Variants in GAPDH observed in about 807,000 individuals in gnomAD.
GAPDH encodes glyceraldehyde-3-phosphate dehydrogenase.
GAPDH carries 13 observed loss-of-function variants against 31.2 expected under a neutral mutation model. That is an observed-to-expected ratio of 0.42 (90% CI 0.27 to 0.66). GAPDH has a LOEUF of 0.66. GAPDH is among the 30% of genes least tolerant of loss of function. The pLI is 0.26. For missense variants in GAPDH, 300 were observed against 443.7 expected, an observed-to-expected ratio of 0.68 and a Z score of 2.91; for synonymous variants, 211 against 166.9, an observed-to-expected ratio of 1.26 and a Z score of -2.04.
At position 6,537,458 on chromosome 12, in the gene GAPDH, G is replaced by T; in HGVS notation, c.525+68G>T. The stretch of plus-strand genomic sequence containing the variant: ...ATCCAAGACTGGCTCCTCCCTGCCG[G>T]GGCTGCGTGCAACCCTGGGGTTGGG... On this transcript the variant is annotated intron_variant, in intron 7 of 8. Transcript: ENST00000229239. The surrounding 1 kb of genome is among the most constrained non-coding windows in gnomAD (Gnocchi z 4.9). 6.3e-7 allele frequency: 1 copy of T among 1,583,808 alleles called. No homozygotes were observed. The highest frequency in any genetic ancestry group is 1.1e-5 in the South Asian group (1 of 90,050).
rs569679304 is a variant in GAPDH at position 6,537,520 on chromosome 12, A to C, written c.526-64A>C. The stretch of plus-strand genomic sequence containing the variant: ...CTGGCTTTCCCATAATTTCCTTTCA[A>C]GGTGGGGAGGGAGGTAGAGGGGTGA... On this transcript the variant is annotated intron_variant, in intron 7 of 8. Coordinates refer to ENST00000229239, the MANE Select transcript of GAPDH (RefSeq NM_002046.7). The surrounding 1 kb of genome is among the most constrained non-coding windows in gnomAD (Gnocchi z 4.9). The C allele has an allele frequency of 7.6e-6, 12 of 1,586,388 alleles. No individual in the cohort carries two copies. The highest frequency in any genetic ancestry group is 8.6e-6 in the Non-Finnish European group (10 of 1,164,322).
Position 6,537,378 on chromosome 12 carries a change from G to A in GAPDH, c.513G>A (p.Val171=), listed in dbSNP as rs562063348. The A allele has an allele frequency of 5.0e-6, 8 of 1,609,004 alleles. No homozygotes were observed. The highest frequency in any genetic ancestry group is 6.8e-6 in the Non-Finnish European group (8 of 1,179,740). ...AKVIHDNFGI[V]EGLMTTVHAI... ...TCATCCATGACAACTTTGGTATCGT[G>A]GAAGGACTCATGGTATGAGAGCTGG... The change falls in exon 7 of 9, where the codon GTG becomes GTA. Residue 171 remains valine (V), a synonymous_variant. Coordinates refer to ENST00000229239, the MANE Select transcript of GAPDH (RefSeq NM_002046.7). This position sits in a 1 kb window ranked among gnomAD's most constrained non-coding sequence, Gnocchi z 4.9.
rs1217889586 is a variant in GAPDH at position 6,536,937 on chromosome 12, T to C, written c.254T>C (p.Ile85Thr). Residue 85 changes from isoleucine (I) to threonine (T), a missense_variant, in exon 5 of 9, where the codon ATC (isoleucine) becomes ACC (threonine). Transcript: ENST00000229239. ...TIFQERDPSKIKWGDAGAEYV... is the reference protein window; with the variant it reads ...TIFQERDPSKTKWGDAGAEYV... ...CCCCATAGGCGAGATCCCTCCAAAA[T>C]CAAGTGGGGCGATGCTGGCGCTGAG... is the stretch of plus-strand genomic sequence containing the variant. 5.1e-6 allele frequency: 7 copies of C among 1,362,142 alleles called. No individual in the cohort carries two copies. The highest frequency in any genetic ancestry group is 7.1e-6 in the Non-Finnish European group (7 of 988,250). 84.4% of individuals were successfully genotyped at this position (1,362,142 alleles called of 1,614,324 possible). A position where few individuals can be genotyped will look rare whatever the true frequency, so the allele number is the denominator to read the frequency against.
At chr12:6,535,615 T>C (rs1060619) in intron 2 of GAPDH, 67,925 of 246,346 alleles carry the variant, frequency 0.28, 10,945 homozygotes, top group East Asian at 0.49. Flanking sequence ...GCCCCTCTGG[T>C]GGTGGCCCCT....
Position 6,537,858 on chromosome 12 carries a change from A to AG in GAPDH, c.803dup (p.Leu270ProfsTer9). Reference sequence around the variant, plus strand: ...AAGAAGGTGGTGAAGCAGGCGTCGGAGGGCCCCCTCAAGGGCATCCTGGGC... The same window carrying AG: ...AAGAAGGTGGTGAAGCAGGCGTCGGAGGGGCCCCCTCAAGGGCATCCTGGGC... On this transcript the variant is annotated frameshift_variant, in exon 8 of 9. Transcript: ENST00000229239. LOFTEE classifies it high-confidence loss of function. The surrounding 1 kb of genome is among the most constrained non-coding windows in gnomAD (Gnocchi z 4.9). 2 of 1,612,964 alleles carry AG rather than the reference A, an allele frequency of 1.2e-6. No individual in the cohort carries two copies. The highest frequency in any genetic ancestry group is 1.7e-6 in the Non-Finnish European group (2 of 1,180,002).
chr12:6,536,719 A>AT lies in GAPDH; in HGVS notation c.167dup (p.His57ProfsTer7). ...TCCAATATGATTCCACCCATGGCAA[A>AT]TTCCATGGCACCGTCAAGGCTGAGA... On this transcript the variant is annotated frameshift_variant, in exon 4 of 9. Transcript: ENST00000229239. LOFTEE classifies it high-confidence loss of function. 1 of 1,613,860 alleles carries AT rather than the reference A, an allele frequency of 6.2e-7. No individual in the cohort carries two copies. Among genetic ancestry groups the AT allele is most frequent in the South Asian group, 1.1e-5 (1 of 91,066 alleles).
chr12:6,537,158 C>T lies in GAPDH; in HGVS notation c.385C>T (p.Pro129Ser). 6.2e-7 allele frequency: 1 copy of T among 1,613,742 alleles called. No homozygotes were observed. Among genetic ancestry groups the T allele is most frequent in the Non-Finnish European group, 8.5e-7 (1 of 1,180,010 alleles). Residue 129 changes from proline to serine, a missense_variant, in exon 6 of 9, where the codon CCC (proline) becomes TCC (serine). Pro to Ser is a moderately conservative substitution (Grantham distance 74, BLOSUM62 -1). Transcript: ENST00000229239. This position sits in a 1 kb window ranked among gnomAD's most constrained non-coding sequence, Gnocchi z 4.9. ...CATCTCTGCCCCCTCTGCTGATGCC[C>T]CCATGTTCGTCATGGGTGTGAACCA... is the stretch of plus-strand genomic sequence containing the variant. ...VIISAPSADAPMFVMGVNHEK... is the reference protein window; with the variant it reads ...VIISAPSADASMFVMGVNHEK...
Position 6,537,535 on chromosome 12 carries a change from T to TA in GAPDH, c.526-48dup. On this transcript the variant is annotated intron_variant, in intron 7 of 8. Coordinates refer to ENST00000229239, the MANE Select transcript of GAPDH (RefSeq NM_002046.7). The surrounding 1 kb of genome is among the most constrained non-coding windows in gnomAD (Gnocchi z 4.9). ...TTTCCTTTCAAGGTGGGGAGGGAGG[T>TA]AGAGGGGTGATGTGGGGAGTACGCT... 1 of 1,590,334 alleles carries TA rather than the reference T, an allele frequency of 6.3e-7. No homozygotes were observed. The highest frequency in any genetic ancestry group is 8.6e-7 in the Non-Finnish European group (1 of 1,167,352).
chr12:6,538,219 C>A lies in GAPDH; in HGVS notation c.*49C>A, dbSNP rs559712947. Reference sequence around the variant, plus strand: ...CAAGAGCACAAGAGGAAGAGAGAGACCCTCACTGCTGGGGAGTCCCTGCCA... The same window carrying A: ...CAAGAGCACAAGAGGAAGAGAGAGAACCTCACTGCTGGGGAGTCCCTGCCA... On this transcript the variant is annotated 3_prime_UTR_variant, in exon 9 of 9. Transcript: ENST00000229239. The A allele has an allele frequency of 1.0e-5, 15 of 1,470,870 alleles. No homozygotes were observed. The South Asian group carries it at 1.6e-4, about 15-fold the overall frequency. 91.1% of individuals were successfully genotyped at this position (1,470,870 alleles called of 1,614,324 possible).
At chr12:6,538,026 T>C in intron 8 of GAPDH, 30 bp downstream of exon 8, 1 of 1,596,566 alleles carries the variant, frequency 6.3e-7, no homozygotes, top group Non-Finnish European at 8.5e-7. Context: ...GACTGGCTCT[T>C]AAAAAGTGCA....
At chr12:6,534,719 G>C in intron 1 of GAPDH, 91 bp from the exon 2 acceptor site, 1 of 1,130,436 alleles carries the variant, frequency 8.8e-7, no homozygotes, top group Non-Finnish European at 1.3e-6. Context: ...TGCGGCGCGG[G>C]CTGGGCATGG....
At position 6,537,485 on chromosome 12, in the gene GAPDH, G is replaced by T; in HGVS notation, c.525+95G>T. Reference sequence around the variant, plus strand: ...GCTGCGTGCAACCCTGGGGTTGGGGGTTCTGGGGACTGGCTTTCCCATAAT... The same window carrying T: ...GCTGCGTGCAACCCTGGGGTTGGGGTTTCTGGGGACTGGCTTTCCCATAAT... On this transcript the variant is annotated intron_variant, in intron 7 of 8. Transcript: ENST00000229239. The surrounding 1 kb of genome is among the most constrained non-coding windows in gnomAD (Gnocchi z 4.9). 6.3e-7 allele frequency: 1 copy of T among 1,583,620 alleles called. No homozygotes were observed. Among genetic ancestry groups the T allele is most frequent in the Non-Finnish European group, 8.6e-7 (1 of 1,158,384 alleles).
rs776400902 is a variant in GAPDH at position 6,536,747 on chromosome 12, G to A, written c.193G>A (p.Gly65Arg). 14 of 1,613,980 alleles carry A rather than the reference G, an allele frequency of 8.7e-6. No individual in the cohort carries two copies. The highest frequency in any genetic ancestry group is 5.5e-5 in the South Asian group (5 of 91,074). Residue 65 changes from glycine (G) to arginine (R), a missense_variant, in exon 4 of 9, where the codon GGG (glycine) becomes AGG (arginine). Physicochemically the swap from Gly to Arg is moderately radical, Grantham distance 125. Transcript: ENST00000229239. ...CCATGGCACCGTCAAGGCTGAGAACGGGAAGCTTGTCATCAATGGAAATCC... is the reference window on the plus strand; with the variant it reads ...CCATGGCACCGTCAAGGCTGAGAACAGGAAGCTTGTCATCAATGGAAATCC... ...KFHGTVKAENGKLVINGNPIT... is the reference protein window; with the variant it reads ...KFHGTVKAENRKLVINGNPIT...
chr12:6,535,147 G>T, intron 2 of GAPDH: 1 of 1,009,036 alleles, frequency 9.9e-7, no homozygotes, highest in East Asian at 3.5e-5. Flanking sequence ...ACCCCTAGGT[G>T]GGGGACGCTT....
In GAPDH at chr12:6,537,634, C is replaced by T. The variant is rs373252845; in HGVS notation, c.576C>T (p.Ser192=). 165 of 1,611,696 alleles carry T rather than the reference C, an allele frequency of 1.0e-4. No individual in the cohort carries two copies. The highest frequency in any genetic ancestry group is 2.9e-4 in the African/African-American group (22 of 74,958). ...TATQKTVDGP[S]GKLWRDGRGA... ...CCCAGAAGACTGTGGATGGCCCCTC[C>T]GGGAAACTGTGGCGTGATGGCCGCG... The change falls in exon 8 of 9, where the codon TCC becomes TCT. Residue 192 remains serine, a synonymous_variant. Transcript: ENST00000229239. The surrounding 1 kb of genome is among the most constrained non-coding windows in gnomAD (Gnocchi z 4.9).
Position 6,537,971 on chromosome 12 carries a change from G to A in GAPDH, c.913G>A (p.Asp305Asn), listed in dbSNP as rs766389233. ...FDAGAGIALN[D>N]HFVKLISWYD... ...CGCTGGGGCTGGCATTGCCCTCAACGACCACTTTGTCAAGCTCATTTCCTG... is the reference window on the plus strand; with the variant it reads ...CGCTGGGGCTGGCATTGCCCTCAACAACCACTTTGTCAAGCTCATTTCCTG... Residue 305 changes from aspartate to asparagine, a missense_variant, in exon 8 of 9, where the codon GAC becomes AAC. Transcript: ENST00000229239. The surrounding 1 kb of genome is among the most constrained non-coding windows in gnomAD (Gnocchi z 4.9). The A allele has an allele frequency of 5.0e-6, 8 of 1,613,512 alleles. No individual in the cohort carries two copies. In the South Asian group the frequency reaches 6.6e-5, roughly 13 times the overall value.
intron 2 of GAPDH, chr12:6,535,464 T>C (rs1946443023): frequency 2.0e-6 from 2 of 986,466 alleles, no homozygotes; most frequent in South Asian, 9.2e-5. Flanking sequence ...CCTAGATTAT[T>C]CTCTGGTAAA....
At chr12:6,534,890 G>T in intron 2 of GAPDH, 29 bp downstream of exon 2, 2 of 1,610,602 alleles carry the variant, frequency 1.2e-6, no homozygotes, top group Non-Finnish European at 1.7e-6. Context: ...GGGGGGCCCT[G>T]GGCTGCGACC....
At position 6,537,155 on chromosome 12, in the gene GAPDH, G is replaced by A. The variant is rs1480299798; in HGVS notation, c.382G>A (p.Ala128Thr). 4 of 1,613,554 alleles carry A rather than the reference G, an allele frequency of 2.5e-6. No individual in the cohort carries two copies. The African/African-American group carries it at 4.0e-5, about 16-fold the overall frequency. ...CATCATCTCTGCCCCCTCTGCTGAT[G>A]CCCCCATGTTCGTCATGGGTGTGAA... ...RVIISAPSAD[A>T]PMFVMGVNHE... Residue 128 changes from alanine (A) to threonine (T), a missense_variant, in exon 6 of 9, where the codon GCC becomes ACC. By Grantham distance (58) the Ala-to-Thr change is moderately conservative. Transcript: ENST00000229239. This position sits in a 1 kb window ranked among gnomAD's most constrained non-coding sequence, Gnocchi z 4.9.
Sources: gnomAD v4.1 joint callset for allele counts on GRCh38, gnomAD v4.1.1 for gene constraint, Gnocchi (gnomAD v3.1) non-coding constraint, MANE v1.5 for transcripts, NCBI Gene and HGNC (gene_info 2026-07-23, HGNC 2026-07-21) for gene names.